ENO4: variants seen among roughly 807,000 people sequenced by gnomAD.
ENO4 encodes the protein enolase 4, also known as 2-phospho-D-glycerate hydro-lyase.
Under a neutral mutation model 63.2 loss-of-function variants are expected in ENO4, and 53 were observed. That is an observed-to-expected ratio of 0.84 (90% CI 0.67 to 1.05). The LOEUF is 1.05. ENO4 is among the 50% of genes least tolerant of loss of function. The pLI is 0.00. For synonymous variants in ENO4, 266 were observed against 283.8 expected (o/e 0.94, Z 0.63); for missense variants, 719 against 772.0 (o/e 0.93, Z 0.81).
Position 116,876,272 on chromosome 10 carries a change from C to T in ENO4, c.1537+12C>T. 1 of 1,523,168 alleles carries T rather than the reference C, an allele frequency of 6.6e-7. No individual in the cohort carries two copies. The highest frequency in any genetic ancestry group is 8.8e-7 in the Non-Finnish European group (1 of 1,134,100). 94.4% of individuals were successfully genotyped at this position (1,523,168 alleles called of 1,614,324 possible). On this transcript the variant is annotated intron_variant, in intron 11 of 13. Coordinates refer to ENST00000341276, the MANE Select transcript of ENO4 (RefSeq NM_001242699.2). ...CAATCTGATTGACAGTGAGTAAAAGCATACATCTGAAAGACTCGTAATGAC... is the reference window on the plus strand; with the variant it reads ...CAATCTGATTGACAGTGAGTAAAAGTATACATCTGAAAGACTCGTAATGAC...
At position 116,856,677 on chromosome 10, in the gene ENO4, A is replaced by C; in HGVS notation, c.480A>C (p.Leu160=). The part of the protein sequence containing the change: ...APSDQAEVDH[L]LRIFFASKVQ... ...CTGACCAGGCAGAGGTGGATCACCT[A>C]CTCAGGTACAGTTTCCACTTTGAAA... The change falls in exon 3 of 14, where the codon CTA becomes CTC. Residue 160 remains leucine, a synonymous_variant. Transcript: ENST00000341276. 1 of 1,523,628 alleles carries C rather than the reference A, an allele frequency of 6.6e-7. No homozygotes were observed. Among genetic ancestry groups the C allele is most frequent in the Non-Finnish European group, 8.8e-7 (1 of 1,141,064 alleles). 94.4% of individuals were successfully genotyped at this position (1,523,628 alleles called of 1,614,324 possible).
intron 7 of ENO4, among the ~76,000 whole-genome samples, 195 bp downstream of exon 7, chr10:116,863,047 A>G (rs1293910024): frequency 3.3e-5 from 5 of 152,150 alleles, no homozygotes; most frequent in Admixed American, 3.3e-4. Context: ...GTACTTAACA[A>G]TCTCATTTCA....
chr10:116,884,692 A>C (rs17095395), downstream of ENO4: 1 of 156,152 alleles, frequency 6.4e-6, no homozygotes, highest in Non-Finnish European at 1.4e-5. Context: ...CTTAGGGACT[A>C]TTAAAAATTA....
intron 1 of ENO4, 122 bp downstream of exon 1, chr10:116,849,853 G>T: frequency 9.5e-6 from 11 of 1,159,024 alleles, no homozygotes; most frequent in Non-Finnish European, 1.4e-5. Context: ...CCGGGCCCTG[G>T]GCCTGCGTGT....
chr10:116,897,286 C>G (rs1847556987), intron 10 of ENO4, among the ~76,000 whole-genome samples: 1 of 152,130 alleles, frequency 6.6e-6, no homozygotes, highest in Non-Finnish European at 1.5e-5. Flanking sequence ...TTTTACATTT[C>G]TGGGTTTGTG....
intron 1 of ENO4, among the ~76,000 whole-genome samples, chr10:116,853,766 A>G (rs559443064): frequency 6.6e-6 from 1 of 152,238 alleles, no homozygotes; most frequent in East Asian, 1.9e-4. Flanking sequence ...TAAAGAATCC[A>G]CGGATAGCTT....
At chr10:116,886,687 A>G (rs1847175261), downstream of ENO4, 4 of 1,340,396 alleles carry the variant, frequency 3.0e-6, no homozygotes, top group Non-Finnish European at 4.1e-6. Context: ...CAACATGCAT[A>G]TAGTAGTCTT....
downstream of ENO4, chr10:116,886,239 TAC>T (rs1315322054): frequency 6.9e-7 from 1 of 1,458,756 alleles, no homozygotes; most frequent in Non-Finnish European, 9.2e-7. Context: ...GTATTCTGAA[TAC>T]AGTGACCAGA....
Position 116,867,906 on chromosome 10 carries a change from C to A in ENO4, c.991-744C>A, listed in dbSNP as rs1279917219. 3.3e-5 allele frequency among the ~76,000 whole-genome samples: 5 copies of A among 152,204 alleles called. No homozygotes were observed. The East Asian group carries it at 7.7e-4, about 23-fold the overall frequency. On this transcript the variant is annotated intron_variant, in intron 7 of 13. Transcript: ENST00000341276. Reference sequence around the variant, plus strand: ...GTCCCCCGATCACATCACATGACTTCCCTTTGCCCTTCTGTTCAGGGTCAC... The same window carrying A: ...GTCCCCCGATCACATCACATGACTTACCTTTGCCCTTCTGTTCAGGGTCAC...
chr10:116,857,642 C>CTT (rs67355556), intron 3 of ENO4, among the ~76,000 whole-genome samples: 290 of 144,916 alleles, frequency 2.0e-3, no homozygotes, highest in African/African-American at 3.9e-3. Flanking sequence ...GTAACAGAAA[C>CTT]TTTTTTTTTT....
At position 116,881,532 on chromosome 10, in the gene ENO4, ACTTT is replaced by A. The variant is rs1247202475; in HGVS notation, c.1742_1745del (p.Thr581IlefsTer33). The A allele has an allele frequency of 3.2e-6, 5 of 1,544,064 alleles. No homozygotes were observed. Among genetic ancestry groups the A allele is most frequent in the South Asian group, 1.2e-5 (1 of 82,910 alleles). On this transcript the variant is annotated frameshift_variant, in exon 14 of 14. Transcript: ENST00000341276. LOFTEE classifies it low-confidence loss of function (END_TRUNC). ...TTAAATAGGTTTCAAAGAAGAACAC[ACTTT>A]TTTTTACTTTAATGAGGAAGCTGAA...
chr10:116,910,462 G>A (rs1474165764), intron 10 of ENO4, among the ~76,000 whole-genome samples: 1 of 152,168 alleles, frequency 6.6e-6, no homozygotes. Context: ...GGTGAATATG[G>A]TATTTAAGAG....
downstream of ENO4, chr10:116,911,959 T>C (rs545665162): frequency 1.1e-5 from 8 of 740,832 alleles, no homozygotes; most frequent in African/African-American, 5.3e-5. Context: ...TATGACTATA[T>C]ATATTTTTAA....
chr10:116,884,283 A>AC (rs1158271242), downstream of ENO4: 1 of 458,350 alleles, frequency 2.2e-6, no homozygotes, highest in African/African-American at 2.0e-5. Context: ...CAGGGGCAAA[A>AC]CCCCCTCAAA....
intron 13 of ENO4, among the ~76,000 whole-genome samples, chr10:116,880,468 G>A (rs1007227207): frequency 1.3e-5 from 2 of 152,166 alleles, no homozygotes. Flanking sequence ...AAATCTGCAT[G>A]GTTAGAAGCA....
chr10:116,890,005 A>G (rs1054977278), intron 10 of ENO4, among the ~76,000 whole-genome samples: 8 of 152,160 alleles, frequency 5.3e-5, no homozygotes, highest in Non-Finnish European at 1.0e-4. Flanking sequence ...AGAGCCACAG[A>G]GCCGCATCAG....
At position 116,854,748 on chromosome 10, in the gene ENO4, G is replaced by A. The variant is rs568038468; in HGVS notation, c.166-875G>A. ...GCTTGAGGCCAGGAGTTTGAGACCA[G>A]CCTGAGCAACATAATAAGATCCTGT... is the stretch of plus-strand genomic sequence containing the variant. On this transcript the variant is annotated intron_variant, in intron 1 of 13. Coordinates refer to ENST00000341276, the MANE Select transcript of ENO4 (RefSeq NM_001242699.2). Among the ~76,000 whole-genome samples, 21 of 151,416 alleles carry A rather than the reference G, an allele frequency of 1.4e-4. 1 individual carries two copies. In the South Asian group the frequency reaches 4.2e-3, roughly 30 times the overall value.
intron 10 of ENO4, among the ~76,000 whole-genome samples, chr10:116,903,530 A>C (rs921118577): frequency 6.8e-6 from 1 of 147,126 alleles, no homozygotes; most frequent in Non-Finnish European, 1.5e-5. Flanking sequence ...TCTCAGAGAC[A>C]AAAAAAAAAG....
intron 7 of ENO4, among the ~76,000 whole-genome samples, chr10:116,863,167 A>C (rs1846459768): frequency 6.6e-6 from 1 of 152,054 alleles, no homozygotes; most frequent in Non-Finnish European, 1.5e-5. Flanking sequence ...GAAGGCAGAG[A>C]CTCTTGTGCC....
Sources: gnomAD v4.1 joint callset for allele counts (sites outside exome capture counted in the v4.1 genomes callset) on GRCh38, gnomAD v4.1.1 for gene constraint, MANE v1.5 for transcripts, NCBI Gene and HGNC (gene_info 2026-07-23, HGNC 2026-07-21) for gene names.